Variants in MYO16 observed in about 807,000 individuals in gnomAD.
The protein encoded by MYO16 is myosin XVI, also known as unconventional myosin-XVI.
In MYO16, 94 loss-of-function variants were observed where a neutral mutation model predicts 205.3. The ratio of observed to expected loss-of-function variants is 0.46; its 90% confidence interval spans 0.39 to 0.54. The LOEUF (loss-of-function observed/expected upper bound fraction) is 0.54. Among genes scored for constraint, MYO16 ranks in the 20% least tolerant of loss-of-function variants. The probability of loss-of-function intolerance (pLI) is 0.00; values close to 1 mark genes in which losing one functional copy is unlikely to be tolerated. For missense variants in MYO16, 2,315 were observed against 2,387.5 expected, an observed-to-expected ratio of 0.97 and a Z score of 0.63; for synonymous variants, 988 against 954.0, an observed-to-expected ratio of 1.04 and a Z score of -0.66.
chr13:108,522,709 G>A, the MYO16 span, among the ~76,000 whole-genome samples: 4 of 152,022 alleles, frequency 2.6e-5, no homozygotes, highest in South Asian at 2.1e-4. Flanking sequence ...GGTGTTCCTC[G>A]GCTTGTAGAT....
At chr13:108,498,269 A>T in the MYO16 span, among the ~76,000 whole-genome samples, 3 of 152,188 alleles carry the variant, frequency 2.0e-5, no homozygotes, top group African/African-American at 7.2e-5. Flanking sequence ...TGTTCTGTTC[A>T]AGCTTGCTCT....
Position 109,140,865 on chromosome 13 carries a change from C to T in MYO16, c.4653C>T (p.Pro1551=), listed in dbSNP as rs762583642. 3 of 1,597,018 alleles carry T rather than the reference C, an allele frequency of 1.9e-6. No homozygotes were observed. Among genetic ancestry groups the T allele is most frequent in the Non-Finnish European group, 2.6e-6 (3 of 1,173,242 alleles). ...LPVLETNLKY[P]VQPEGSSPLS... is the part of the protein sequence containing the mutation. ...TCCTGGAGACCAACCTCAAGTACCC[C>T]GTGCAGCCGGAGGGGTCGAGCCCGC... is the stretch of plus-strand genomic sequence containing the variant. The change falls in exon 32 of 35, where the codon CCC becomes CCT. Residue 1551 remains proline (P), a synonymous_variant. Transcript: ENST00000457511. This position sits in a 1 kb window ranked among gnomAD's most constrained non-coding sequence, Gnocchi z 8.0.
intron 27 of MYO16, among the ~76,000 whole-genome samples, chr13:109,077,403 C>A (rs1055255882): frequency 5.3e-5 from 8 of 152,086 alleles, no homozygotes; most frequent in African/African-American, 1.9e-4. Flanking sequence ...CTTCCCTTTC[C>A]CTCAAACTCA....
At chr13:108,876,411 C>CA (rs1165452217) in intron 12 of MYO16, among the ~76,000 whole-genome samples, 2 of 151,690 alleles carry the variant, frequency 1.3e-5, no homozygotes, top group African/African-American at 2.4e-5. Context: ...CTGAGTGGTA[C>CA]AAAAAATAAC....
chr13:109,155,540 A>G (rs1368634042), intron 32 of MYO16, among the ~76,000 whole-genome samples: 3 of 152,184 alleles, frequency 2.0e-5, no homozygotes, highest in Non-Finnish European at 4.4e-5. Flanking sequence ...TTAAGTAATC[A>G]ATGCTTATAG....
At chr13:108,795,922 A>T (rs898900311) in intron 6 of MYO16, among the ~76,000 whole-genome samples, 2 of 152,234 alleles carry the variant, frequency 1.3e-5, no homozygotes, top group African/African-American at 4.8e-5. Flanking sequence ...GTTTTGAATA[A>T]TGACTTCAAA....
intron 1 of MYO16, among the ~76,000 whole-genome samples, chr13:108,664,660 C>T (rs1036739658): frequency 2.0e-5 from 3 of 152,142 alleles, no homozygotes; most frequent in African/African-American, 7.2e-5. Flanking sequence ...TCCTTGAGAC[C>T]TGATATCATA....
intron 12 of MYO16, among the ~76,000 whole-genome samples, chr13:108,873,323 A>G (rs1032551606): frequency 6.6e-6 from 1 of 152,270 alleles, no homozygotes; most frequent in Non-Finnish European, 1.5e-5. Flanking sequence ...CACATATAAC[A>G]TCTGCATTTT....
At chr13:108,994,191 G>T (rs886902055) in intron 21 of MYO16, among the ~76,000 whole-genome samples, 2 of 151,848 alleles carry the variant, frequency 1.3e-5, no homozygotes, top group Non-Finnish European at 2.9e-5. Context: ...CTGTATAATA[G>T]TAATGGCATT....
At chr13:109,174,821 A>AACTC (rs1249537769) in intron 33 of MYO16, among the ~76,000 whole-genome samples, 1 of 145,240 alleles carries the variant, frequency 6.9e-6, no homozygotes, top group Non-Finnish European at 1.5e-5. Context: ...GCACAATCTC[A>AACTC]ACTCACTGCA....
At chr13:108,582,997 T>C in the MYO16 span, among the ~76,000 whole-genome samples, 1 of 152,196 alleles carries the variant, frequency 6.6e-6, no homozygotes, top group Non-Finnish European at 1.5e-5. Flanking sequence ...ATTGATATTT[T>C]AGATTCAGAG....
At chr13:108,958,851 C>T (rs1055714241) in intron 17 of MYO16, among the ~76,000 whole-genome samples, 9 of 152,170 alleles carry the variant, frequency 5.9e-5, no homozygotes, top group Admixed American at 2.6e-4. Context: ...GGTCAATTTA[C>T]GGCCAATTCC....
intron 23 of MYO16, among the ~76,000 whole-genome samples, chr13:109,044,540 A>T (rs2139587539): frequency 6.6e-6 from 1 of 152,292 alleles, no homozygotes; most frequent in Non-Finnish European, 1.5e-5. Flanking sequence ...TGATACTCAC[A>T]GAATTTGATG....
intron 9 of MYO16, among the ~76,000 whole-genome samples, chr13:108,826,018 G>C (rs542725383): frequency 6.6e-6 from 1 of 152,104 alleles, no homozygotes; most frequent in East Asian, 1.9e-4. Flanking sequence ...ACTTAATATT[G>C]TTAACACAAT....
chr13:108,574,706 TGTGC>T, the MYO16 span, among the ~76,000 whole-genome samples: 109 of 82,448 alleles, frequency 1.3e-3, no homozygotes, highest in Admixed American at 3.2e-3. Context: ...TGTGTGTGTG[TGTGC>T]GCTTGTGTGT....
chr13:108,679,194 C>T (rs1269448949), intron 2 of MYO16, among the ~76,000 whole-genome samples: 8 of 152,158 alleles, frequency 5.3e-5, no homozygotes, highest in African/African-American at 1.2e-4. Context: ...CCAGATTCTG[C>T]ATGGATCACC....
At chr13:108,601,113 AGAGATCACTGTG>A (rs1248611252) in intron 1 of MYO16, among the ~76,000 whole-genome samples, 1 of 152,142 alleles carries the variant, frequency 6.6e-6, no homozygotes, top group Non-Finnish European at 1.5e-5. Context: ...CGAGGTAGAC[AGAGATCACTGTG>A]GATGTGTGCT....
At chr13:108,969,209 C>T (rs2139384313) in intron 20 of MYO16, among the ~76,000 whole-genome samples, 1 of 152,308 alleles carries the variant, frequency 6.6e-6, no homozygotes, top group East Asian at 1.9e-4. Flanking sequence ...CATCAGTTCA[C>T]ATTAAATTGA....
At chr13:108,849,883 CCT>C (rs1877753707) in intron 10 of MYO16, among the ~76,000 whole-genome samples, 1 of 135,990 alleles carries the variant, frequency 7.4e-6, no homozygotes, top group African/African-American at 2.9e-5. Flanking sequence ...TGTTGAATTT[CCT>C]CTTTTTTTTT....
Sources: allele counts gnomAD v4.1 joint callset (sites outside exome capture counted in the v4.1 genomes callset), GRCh38; gene constraint gnomAD v4.1.1; non-coding constraint Gnocchi (gnomAD v3.1); transcripts MANE v1.5; gene names NCBI Gene and HGNC (gene_info 2026-07-23, HGNC 2026-07-21).